The following ENOX1 variants were observed in gnomAD, a reference collection of about 807,000 sequenced individuals.
ENOX1 encodes the protein ecto-NOX disulfide-thiol exchanger 1.
A neutral mutation model predicts 82.5 loss-of-function variants in ENOX1; 42 were observed. The ratio of observed to expected loss-of-function variants is 0.51; its 90% CI spans 0.40 to 0.66. The LOEUF is 0.66. Among genes scored for constraint, ENOX1 ranks in the 30% least tolerant of loss-of-function variants. The pLI, the probability that ENOX1 is intolerant of heterozygous loss-of-function variation, is 0.00. For missense variants in ENOX1, 608 were observed against 811.6 expected, an observed-to-expected ratio of 0.75 and a Z score of 3.05; for synonymous variants, 271 against 282.2, an observed-to-expected ratio of 0.96 and a Z score of 0.40.
At chr13:43,649,333 G>A (rs1249556637) in intron 2 of ENOX1, among the ~76,000 whole-genome samples, 1 of 152,272 alleles carries the variant, frequency 6.6e-6, no homozygotes, top group East Asian at 1.9e-4. Flanking sequence ...ACAATGCAGG[G>A]CAACGCAAAT....
At chr13:43,232,510 C>T (rs1490312245) in intron 15 of ENOX1, among the ~76,000 whole-genome samples, 1 of 152,182 alleles carries the variant, frequency 6.6e-6, no homozygotes, top group Non-Finnish European at 1.5e-5. Context: ...GCTTAACCTT[C>T]TTTAAAAATA....
chr13:43,353,812 G>A (rs1430903026), intron 8 of ENOX1, among the ~76,000 whole-genome samples: 1 of 152,194 alleles, frequency 6.6e-6, no homozygotes, highest in African/African-American at 2.4e-5. Context: ...ACTTGGCAAA[G>A]GTACAGCTTC....
At chr13:43,265,304 C>T in intron 14 of ENOX1, 94 bp downstream of exon 14, 1 of 1,072,446 alleles carries the variant, frequency 9.3e-7, no homozygotes, top group South Asian at 1.6e-5. Context: ...GGCAGAGCTT[C>T]TGATTTCCTT....
At chr13:43,721,215 C>A (rs1414467912) in intron 1 of ENOX1, among the ~76,000 whole-genome samples, 1 of 151,980 alleles carries the variant, frequency 6.6e-6, no homozygotes, top group African/African-American at 2.4e-5. Context: ...CTTATACTTA[C>A]ATTTAAAACC....
intron 2 of ENOX1, among the ~76,000 whole-genome samples, chr13:43,658,224 AAATG>A (rs1476671044): frequency 6.6e-5 from 10 of 152,364 alleles, no homozygotes; most frequent in South Asian, 2.1e-4. Context: ...AATATTCTAC[AAATG>A]AATGTCTCCA....
intron 2 of ENOX1, among the ~76,000 whole-genome samples, chr13:43,498,381 G>A (rs1240625993): frequency 6.6e-6 from 1 of 152,030 alleles, no homozygotes; most frequent in Non-Finnish European, 1.5e-5. Context: ...ATAACAGGAA[G>A]CATGAAAATG....
At position 43,711,519 on chromosome 13, in the gene ENOX1, T is replaced by C. The variant is rs538920531; in HGVS notation, c.-284-43975A>G. Among the ~76,000 whole-genome samples, 43 of 152,302 alleles carry C rather than the reference T, an allele frequency of 2.8e-4. 1 individual carries two copies. Among genetic ancestry groups the C allele is most frequent in the Non-Finnish European group, 5.6e-4 (38 of 68,036 alleles). On this transcript the variant is annotated intron_variant, in intron 1 of 16. Coordinates refer to ENST00000690772, the MANE Select transcript of ENOX1 (RefSeq NM_001347969.2). ...ATACTGACTTCCACAATGGTTGAAC[T>C]AGTTTATAGTCCCACCAACAGTGTG...
intron 11 of ENOX1, among the ~76,000 whole-genome samples, chr13:43,317,126 C>G (rs1336285232): frequency 6.6e-6 from 1 of 152,216 alleles, no homozygotes; most frequent in Non-Finnish European, 1.5e-5. Flanking sequence ...GCGCCCGGAG[C>G]TCAGATCCTG....
At position 43,645,846 on chromosome 13, in the gene ENOX1, G is replaced by A. The variant is rs150607468; in HGVS notation, c.-219+21633C>T. On this transcript the variant is annotated intron_variant, in intron 2 of 16. Transcript: ENST00000690772. ...CTAATTATGCACTAGTTTCTATTGG[G>A]TGACAATTCTCTACCCTGTGGTACC... Among the ~76,000 whole-genome samples, 41 of 152,236 alleles carry A rather than the reference G, an allele frequency of 2.7e-4. No homozygotes were observed. In the East Asian group the frequency reaches 7.9e-3, roughly 29 times the overall value.
chr13:43,489,491 T>C (rs940249906), intron 2 of ENOX1, among the ~76,000 whole-genome samples: 3 of 152,166 alleles, frequency 2.0e-5, no homozygotes, highest in African/African-American at 7.2e-5. Flanking sequence ...TGAACTTGCT[T>C]GCCACAGAGG....
At chr13:43,429,622 G>A (rs1321272273) in intron 3 of ENOX1, among the ~76,000 whole-genome samples, 1 of 152,166 alleles carries the variant, frequency 6.6e-6, no homozygotes, top group African/African-American at 2.4e-5. Context: ...CAATGGCAGG[G>A]ATCTTTTGGA....
Position 43,682,614 on chromosome 13 carries a change from CA to C in ENOX1, c.-284-15071del, listed in dbSNP as rs551711493. Among the ~76,000 whole-genome samples, 5 of 151,654 alleles carry C rather than the reference CA, an allele frequency of 3.3e-5. No individual in the cohort carries two copies. The East Asian group carries it at 5.8e-4, about 18-fold the overall frequency. On this transcript the variant is annotated intron_variant, in intron 1 of 16. Transcript: ENST00000690772. ...ATAGAAAAAGTAGAATTCAACATTA[CA>C]AAAAAAATTGCAAAAATTAAACACT...
intron 1 of ENOX1, among the ~76,000 whole-genome samples, chr13:43,728,835 C>A (rs1305754527): frequency 1.3e-5 from 2 of 152,180 alleles, no homozygotes; most frequent in African/African-American, 4.8e-5. Flanking sequence ...CACATATCTA[C>A]AATTCAACCA....
intron 5 of ENOX1, among the ~76,000 whole-genome samples, chr13:43,361,917 T>G (rs2050535759): frequency 6.6e-6 from 1 of 151,842 alleles, no homozygotes; most frequent in Non-Finnish European, 1.5e-5. Context: ...AAAGTTCAAT[T>G]TATATGTGCA....
chr13:43,222,814 T>C (rs2041857628), intron 16 of ENOX1, among the ~76,000 whole-genome samples: 1 of 152,184 alleles, frequency 6.6e-6, no homozygotes, highest in Admixed American at 6.5e-5. Flanking sequence ...AGCAAGTCCT[T>C]CTTATTTCAT....
chr13:43,580,343 C>T (rs752653306), intron 2 of ENOX1, among the ~76,000 whole-genome samples: 14 of 152,180 alleles, frequency 9.2e-5, no homozygotes, highest in Non-Finnish European at 1.9e-4. Flanking sequence ...ACAGTGGACA[C>T]TTTTGTCGCC....
intron 1 of ENOX1, among the ~76,000 whole-genome samples, chr13:43,689,689 T>C (rs1424041052): frequency 6.6e-6 from 1 of 152,226 alleles, no homozygotes; most frequent in Non-Finnish European, 1.5e-5. Context: ...GAAATGTATA[T>C]TCTGCATCAA....
chr13:43,413,879 T>G (rs950769593), intron 3 of ENOX1, among the ~76,000 whole-genome samples: 1 of 151,786 alleles, frequency 6.6e-6, no homozygotes, highest in Non-Finnish European at 1.5e-5. Context: ...TTCACATGTA[T>G]TTTAAGTGCA....
In ENOX1 at chr13:43,703,369, A is replaced by C. The variant is rs571751029; in HGVS notation, c.-284-35825T>G. Among the ~76,000 whole-genome samples, 3 of 152,138 alleles carry C rather than the reference A, an allele frequency of 2.0e-5. No homozygotes were observed. The South Asian group carries it at 6.2e-4, about 32-fold the overall frequency. On this transcript the variant is annotated intron_variant, in intron 1 of 16. Coordinates refer to ENST00000690772, the MANE Select transcript of ENOX1 (RefSeq NM_001347969.2). Reference sequence around the variant, plus strand: ...AGATTTTCTCCCCCTTATCCCTTTCACTGTCTTTTAGTTTTTCCCTTCCAT... The same window carrying C: ...AGATTTTCTCCCCCTTATCCCTTTCCCTGTCTTTTAGTTTTTCCCTTCCAT...
Sources: allele counts gnomAD v4.1 joint callset (sites outside exome capture counted in the v4.1 genomes callset), GRCh38; gene constraint gnomAD v4.1.1; transcripts MANE v1.5; gene names NCBI Gene and HGNC (gene_info 2026-07-23, HGNC 2026-07-21).